Variants in AOAH observed in about 807,000 individuals in gnomAD.
AOAH encodes acyloxyacyl hydrolase (neutrophil).
In AOAH, 64 loss-of-function variants were observed where a neutral mutation model predicts 92.2. The ratio of observed to expected loss-of-function variants is 0.69; its 90% CI spans 0.57 to 0.86. The LOEUF is 0.86. Among genes scored for constraint, AOAH ranks in the 40% least tolerant of loss-of-function variants. AOAH has a pLI of 0.00. For missense variants in AOAH, 656 were observed against 694.6 expected, an observed-to-expected ratio of 0.94 and a Z score of 0.62; for synonymous variants, 263 against 254.5, an observed-to-expected ratio of 1.03 and a Z score of -0.32.
At chr7:36,526,758 T>C (rs1273784972) in intron 19 of AOAH, among the ~76,000 whole-genome samples, 1 of 152,196 alleles carries the variant, frequency 6.6e-6, no homozygotes, top group Admixed American at 6.5e-5. Flanking sequence ...TTCAAAGATG[T>C]AATAGAAACA....
rs559496642 is a variant in AOAH at position 36,709,846 on chromosome 7, G to A, written c.127+14176C>T. 7.2e-5 allele frequency among the ~76,000 whole-genome samples: 11 copies of A among 152,062 alleles called. 1 individual carries two copies. The highest frequency in any genetic ancestry group is 3.3e-4 in the Admixed American group (5 of 15,274). ...GAGAAAAAGCTTGCATATAAAAAACGAAAAACCATAAACAAACCCAAACCA... is the reference window on the plus strand; with the variant it reads ...GAGAAAAAGCTTGCATATAAAAAACAAAAAACCATAAACAAACCCAAACCA... On this transcript the variant is annotated intron_variant, in intron 1 of 20. Transcript: ENST00000617537.
At chr7:36,608,909 G>T (rs1054084767) in intron 11 of AOAH, among the ~76,000 whole-genome samples, 10 of 108,858 alleles carry the variant, frequency 9.2e-5, no homozygotes, top group African/African-American at 3.7e-4. Context: ...TTGCGGCGGG[G>T]AGGGGGGGGG....
At chr7:36,632,733 A>G (rs1793217750) in intron 5 of AOAH, among the ~76,000 whole-genome samples, 1 of 152,234 alleles carries the variant, frequency 6.6e-6, no homozygotes, top group Non-Finnish European at 1.5e-5. Context: ...TAGGGTAGAA[A>G]AGTGAGGCAC....
At chr7:36,610,085 G>A (rs1190228294) in intron 11 of AOAH, among the ~76,000 whole-genome samples, 2 of 129,654 alleles carry the variant, frequency 1.5e-5, no homozygotes, top group African/African-American at 5.9e-5. Flanking sequence ...GTAGATAATA[G>A]TTTTTAAAAA....
chr7:36,636,033 G>C (rs1423547363), intron 5 of AOAH, among the ~76,000 whole-genome samples: 3 of 152,166 alleles, frequency 2.0e-5, no homozygotes, highest in African/African-American at 7.2e-5. Flanking sequence ...TTTCAAGTCT[G>C]AATTCTCACC....
intron 1 of AOAH, among the ~76,000 whole-genome samples, chr7:36,723,671 A>G (rs977049322): frequency 1.3e-5 from 2 of 152,186 alleles, no homozygotes; most frequent in African/African-American, 4.8e-5. Flanking sequence ...CAGTGATTCA[A>G]ACTCAGATGT....
chr7:36,650,000 C>A (rs1032204512), intron 4 of AOAH, among the ~76,000 whole-genome samples: 2 of 152,186 alleles, frequency 1.3e-5, no homozygotes, highest in Non-Finnish European at 2.9e-5. Context: ...AGAGCTATAA[C>A]ACTCACTGCA....
intron 4 of AOAH, among the ~76,000 whole-genome samples, chr7:36,650,104 A>ATCTTGGAAGCGGCCCACCACCG: frequency 6.6e-6 from 1 of 150,840 alleles, no homozygotes; most frequent in Non-Finnish European, 1.5e-5. Context: ...GGCTTCTGCC[A>ATCTTGGAAGCGGCCCACCACCG]TCTTGGAAGC....
At chr7:36,685,445 CTA>C (rs1796939632) in intron 2 of AOAH, among the ~76,000 whole-genome samples, 1 of 152,122 alleles carries the variant, frequency 6.6e-6, no homozygotes, top group South Asian at 2.1e-4. Flanking sequence ...TTGACCCAGG[CTA>C]TGTTTCCTAG....
intron 3 of AOAH, among the ~76,000 whole-genome samples, chr7:36,672,374 A>G (rs572648103): frequency 6.6e-6 from 1 of 152,182 alleles, no homozygotes; most frequent in Non-Finnish European, 1.5e-5. Context: ...AACCAACCCA[A>G]ATGCCCATCA....
At chr7:36,620,703 C>T in intron 9 of AOAH, 78 bp downstream of exon 9, 1 of 1,446,866 alleles carries the variant, frequency 6.9e-7, no homozygotes. Context: ...CTGGATCTAA[C>T]TAAAGCAAAT....
chr7:36,595,688 C>CA (rs1276793495), intron 11 of AOAH, among the ~76,000 whole-genome samples: 1 of 152,188 alleles, frequency 6.6e-6, no homozygotes, highest in Non-Finnish European at 1.5e-5. Context: ...ATCCTAAGCT[C>CA]AAATTTGACT....
chr7:36,623,042 A>G (rs1792397006), intron 7 of AOAH, 148 bp downstream of exon 7: 4 of 790,878 alleles, frequency 5.1e-6, no homozygotes, highest in Non-Finnish European at 6.3e-6. Flanking sequence ...CTTGGTCTCA[A>G]AAAAGAAAAG....
intron 12 of AOAH, among the ~76,000 whole-genome samples, chr7:36,585,079 T>C (rs80268227): frequency 5.2e-4 from 79 of 151,990 alleles, no homozygotes; most frequent in Non-Finnish European, 1.0e-3. Context: ...TTGAAGGACA[T>C]GATAGGATCT....
chr7:36,563,031 C>T (rs1444459219), intron 13 of AOAH, among the ~76,000 whole-genome samples: 1 of 151,512 alleles, frequency 6.6e-6, no homozygotes, highest in African/African-American at 2.4e-5. Context: ...CCTGTAATCC[C>T]AGCTACTCAG....
At chr7:36,640,572 G>A (rs188643379) in intron 4 of AOAH, among the ~76,000 whole-genome samples, 30 of 152,188 alleles carry the variant, frequency 2.0e-4, no homozygotes, top group African/African-American at 6.3e-4. Context: ...ATGTGGAGGC[G>A]TGCCCTTGGA....
intron 15 of AOAH, among the ~76,000 whole-genome samples, chr7:36,548,056 C>T (rs1562556613): frequency 6.6e-6 from 1 of 152,116 alleles, no homozygotes; most frequent in Non-Finnish European, 1.5e-5. Context: ...AATAGTAGCA[C>T]ATTTCTTGTG....
At chr7:36,568,210 T>A (rs1430600248) in intron 13 of AOAH, among the ~76,000 whole-genome samples, 1 of 152,148 alleles carries the variant, frequency 6.6e-6, no homozygotes, top group African/African-American at 2.4e-5. Context: ...GTTATGCAGA[T>A]TTAAGTTTAA....
intron 1 of AOAH, among the ~76,000 whole-genome samples, chr7:36,687,992 C>T (rs1034220472): frequency 2.0e-5 from 3 of 152,186 alleles, no homozygotes; most frequent in African/African-American, 7.2e-5. Flanking sequence ...GATGTTCTGT[C>T]CCCTCTCTCT....
Sources: allele counts gnomAD v4.1 joint callset (sites outside exome capture counted in the v4.1 genomes callset), GRCh38; gene constraint gnomAD v4.1.1; transcripts MANE v1.5; gene names NCBI Gene and HGNC (gene_info 2026-07-23, HGNC 2026-07-21).